Variants in CYFIP2 observed in about 807,000 individuals in gnomAD.
The protein encoded by CYFIP2 is cytoplasmic FMR1-interacting protein 2.
Under a neutral mutation model 158.7 loss-of-function variants are expected in CYFIP2, and 29 were observed. That is an observed-to-expected ratio of 0.18 (90% CI 0.14 to 0.25). CYFIP2 has a LOEUF of 0.25. CYFIP2 is among the 10% of genes least tolerant of loss of function. The pLI, the probability that CYFIP2 is intolerant of heterozygous loss-of-function variation, is 1.00. For synonymous variants in CYFIP2, 585 were observed against 617.6 expected, an observed-to-expected ratio of 0.95 and a Z score of 0.78; for missense variants, 852 against 1,639.5, an observed-to-expected ratio of 0.52 and a Z score of 8.29.
At chr5:157,364,083 T>C (rs992402095) in intron 26 of CYFIP2, 1 of 151,668 alleles carries the variant, frequency 6.6e-6, no homozygotes, top group East Asian at 1.9e-4. Context: ...GATAAGTTTT[T>C]TACACAGATC....
chr5:157,289,095 TTAA>T (rs1306774859), intron 3 of CYFIP2, among the ~76,000 whole-genome samples: 70 of 152,240 alleles, frequency 4.6e-4, no homozygotes, highest in African/African-American at 1.6e-3. Flanking sequence ...CCTAGAAAAG[TTAA>T]TAAGCAGGTT....
intron 5 of CYFIP2, among the ~76,000 whole-genome samples, chr5:157,299,721 T>A (rs747375565): frequency 1.3e-5 from 2 of 152,036 alleles, no homozygotes; most frequent in Non-Finnish European, 2.9e-5. Flanking sequence ...GCCAACATGG[T>A]GAAACCCAGT....
intron 26 of CYFIP2, among the ~76,000 whole-genome samples, chr5:157,381,522 C>T (rs911637402): frequency 6.5e-5 from 6 of 91,644 alleles, no homozygotes; most frequent in African/African-American, 1.6e-4. Flanking sequence ...AATGGGACTC[C>T]GTTTCACAAA....
At chr5:157,370,322 C>T (rs1032755933) in intron 26 of CYFIP2, among the ~76,000 whole-genome samples, 2 of 152,198 alleles carry the variant, frequency 1.3e-5, no homozygotes, top group East Asian at 1.9e-4. Context: ...GCCACATCTG[C>T]AGATCACTGA....
intron 23 of CYFIP2, chr5:157,342,624 T>C (rs1453890063): frequency 1.5e-5 from 7 of 457,572 alleles, no homozygotes; most frequent in East Asian, 3.1e-5. Context: ...AATTCTTAAC[T>C]GTGTCCTCCG....
In CYFIP2 at chr5:157,266,383, A is replaced by G. The variant is rs1430619549; in HGVS notation, c.-24+188A>G. ...CGCGGCCCCTTTCCCCCTCGGACCC[A>G]CCGTGCGTCCCGCGGCACGGACCCT... On this transcript the variant is annotated intron_variant, in intron 1 of 30. Coordinates refer to ENST00000620254, the MANE Select transcript of CYFIP2 (RefSeq NM_001037333.3). The surrounding 1 kb of genome is among the most constrained non-coding windows in gnomAD (Gnocchi z 4.2). 6.6e-6 allele frequency: 1 copy of G among 151,074 alleles called. No homozygotes were observed. The highest frequency in any genetic ancestry group is 1.5e-5 in the Non-Finnish European group (1 of 67,756). 9.4% of individuals were successfully genotyped at this position (151,074 alleles called of 1,614,324 possible).
At chr5:157,281,419 G>A (rs1237608732) in intron 1 of CYFIP2, among the ~76,000 whole-genome samples, 3 of 152,022 alleles carry the variant, frequency 2.0e-5, no homozygotes, top group African/African-American at 4.8e-5. Context: ...TCTATAGTTC[G>A]GTTATCTAGT....
chr5:157,306,948 C>A (rs1179050406), intron 8 of CYFIP2, among the ~76,000 whole-genome samples: 1 of 148,430 alleles, frequency 6.7e-6, no homozygotes, highest in African/African-American at 2.5e-5. Flanking sequence ...CTTAGCAGTA[C>A]CCTGCTCCAC....
At chr5:157,353,002 T>C (rs1763172336) in intron 23 of CYFIP2, among the ~76,000 whole-genome samples, 1 of 152,206 alleles carries the variant, frequency 6.6e-6, no homozygotes, top group Non-Finnish European at 1.5e-5. Flanking sequence ...GGGAAACAGA[T>C]CGTCCCCTGC....
intron 26 of CYFIP2, among the ~76,000 whole-genome samples, chr5:157,372,425 A>C (rs1765078479): frequency 6.6e-6 from 1 of 152,194 alleles, no homozygotes; most frequent in South Asian, 2.1e-4. Flanking sequence ...TTATTCCTTC[A>C]AATATTTTAT....
intron 23 of CYFIP2, among the ~76,000 whole-genome samples, chr5:157,355,521 G>A (rs1390690409): frequency 6.6e-6 from 1 of 152,158 alleles, no homozygotes; most frequent in Non-Finnish European, 1.5e-5. Context: ...AGAGGGTTTA[G>A]GTAATTTGCC....
At chr5:157,348,262 G>A (rs1490985735) in intron 23 of CYFIP2, among the ~76,000 whole-genome samples, 1 of 152,236 alleles carries the variant, frequency 6.6e-6, no homozygotes, top group Admixed American at 6.5e-5. Flanking sequence ...GAAAGTGAGT[G>A]GCTCACAGAG....
chr5:157,322,889 CTG>C, intron 15 of CYFIP2: 1 of 1,458,066 alleles, frequency 6.9e-7, no homozygotes, highest in South Asian at 1.2e-5. Context: ...TCCCTCTTCC[CTG>C]TCTCTCCTGC....
At chr5:157,299,157 C>T (rs1758503114) in intron 5 of CYFIP2, among the ~76,000 whole-genome samples, 1 of 50,500 alleles carries the variant, frequency 2.0e-5, no homozygotes, top group Non-Finnish European at 4.4e-5. Context: ...TCTCTCACGT[C>T]TATCTTTGCA....
At chr5:157,285,888 A>C (rs938439775) in intron 2 of CYFIP2, among the ~76,000 whole-genome samples, 1 of 152,192 alleles carries the variant, frequency 6.6e-6, no homozygotes, top group Non-Finnish European at 1.5e-5. Flanking sequence ...GGCTCAGGGA[A>C]GCTGGTCACA....
intron 30 of CYFIP2, among the ~76,000 whole-genome samples, chr5:157,392,370 G>A (rs62387479): frequency 0.31 from 47,827 of 151,994 alleles, 7,971 homozygotes; most frequent in East Asian, 0.67. Flanking sequence ...TCATGGTTAC[G>A]TCTCTAATCC....
At chr5:157,365,352 AAC>A (rs1348810318) in intron 26 of CYFIP2, 2 of 152,174 alleles carry the variant, frequency 1.3e-5, no homozygotes, top group Non-Finnish European at 2.9e-5. Flanking sequence ...TTTTTTAAAA[AAC>A]AGATTAATAT....
At chr5:157,283,860 T>C (rs1459797327) in intron 1 of CYFIP2, among the ~76,000 whole-genome samples, 1 of 152,124 alleles carries the variant, frequency 6.6e-6, no homozygotes, top group Non-Finnish European at 1.5e-5. Context: ...GATGGTCCTT[T>C]TCCCCCCTAA....
intron 23 of CYFIP2, chr5:157,343,295 G>A (rs761248863): frequency 6.2e-7 from 1 of 1,614,210 alleles, no homozygotes; most frequent in East Asian, 2.2e-5. Flanking sequence ...AGGGAAGGCA[G>A]CCTTCTTACA....
Sources: allele counts gnomAD v4.1 joint callset (sites outside exome capture counted in the v4.1 genomes callset), GRCh38; gene constraint gnomAD v4.1.1; non-coding constraint Gnocchi (gnomAD v3.1); transcripts MANE v1.5; gene names NCBI Gene and HGNC (gene_info 2026-07-23, HGNC 2026-07-21).